Variants in BTBD9 observed in about 807,000 individuals in gnomAD.
The protein encoded by BTBD9 is BTB domain containing 9.
Under a neutral mutation model 64.3 loss-of-function variants are expected in BTBD9, and 49 were observed. That is an observed-to-expected ratio of 0.76 (90% CI 0.61 to 0.97). The LOEUF (loss-of-function observed/expected upper bound fraction) is 0.97, where lower values mean the gene tolerates loss of function less well. Among genes scored for constraint, BTBD9 ranks in the 50% least tolerant of loss-of-function variants. BTBD9 has a pLI of 0.00. For missense variants in BTBD9, 598 were observed against 762.1 expected, an observed-to-expected ratio of 0.78 and a Z score of 2.53; for synonymous variants, 260 against 274.7, an observed-to-expected ratio of 0.95 and a Z score of 0.53.
chr6:38,585,938 C>CCACACACACACACA (rs10660204), intron 4 of BTBD9, among the ~76,000 whole-genome samples: 139 of 140,862 alleles, frequency 9.9e-4, no homozygotes, highest in African/African-American at 2.4e-3. Context: ...ACAGGACAGA[C>CCACACACACACACA]CACACACACA....
At chr6:38,222,253 AGTT>A (rs1227232795) in intron 9 of BTBD9, among the ~76,000 whole-genome samples, 1 of 55,930 alleles carries the variant, frequency 1.8e-5, no homozygotes, top group African/African-American at 6.8e-5. Context: ...TAATTCATTC[AGTT>A]GTTTTTTTTT....
At chr6:38,459,175 C>T (rs761659782) in intron 6 of BTBD9, among the ~76,000 whole-genome samples, 1 of 151,988 alleles carries the variant, frequency 6.6e-6, no homozygotes, top group Non-Finnish European at 1.5e-5. Context: ...CGCACCACCA[C>T]GCCTGGCTAA....
intron 6 of BTBD9, among the ~76,000 whole-genome samples, chr6:38,427,481 A>T (rs1768224370): frequency 6.6e-6 from 1 of 151,976 alleles, no homozygotes; most frequent in Non-Finnish European, 1.5e-5. Context: ...CGCACCAGGG[A>T]GCTGGAGCAA....
intron 6 of BTBD9, among the ~76,000 whole-genome samples, chr6:38,513,246 G>C (rs1280614582): frequency 1.3e-5 from 2 of 152,094 alleles, no homozygotes; most frequent in Non-Finnish European, 1.5e-5. Context: ...AGGAGTTCCA[G>C]ACCAGCCTGA....
In BTBD9 at chr6:38,532,412, A is replaced by C. The variant is rs148981740; in HGVS notation, c.1154+45188T>G. 5.3e-3 allele frequency among the ~76,000 whole-genome samples: 800 copies of C among 152,316 alleles called. 5 individuals are homozygous for C. Among genetic ancestry groups the C allele is most frequent in the African/African-American group, 0.018 (753 of 41,568 alleles). On this transcript the variant is annotated intron_variant, in intron 6 of 10. Coordinates refer to ENST00000481247, the MANE Select transcript of BTBD9 (RefSeq NM_001099272.2). Reference sequence around the variant, plus strand: ...TGAGTTCTAGTGCTGAACTGGGCTCAGAGCCGAGGGACTGAGGGGACAAGT... The same window carrying C: ...TGAGTTCTAGTGCTGAACTGGGCTCCGAGCCGAGGGACTGAGGGGACAAGT...
At chr6:38,548,956 G>T (rs531645365) in intron 6 of BTBD9, among the ~76,000 whole-genome samples, 1 of 152,280 alleles carries the variant, frequency 6.6e-6, no homozygotes, top group South Asian at 2.1e-4. Flanking sequence ...CATGGGTAAA[G>T]GTGACTTGTA....
At chr6:38,334,634 A>C (rs1562039964) in intron 7 of BTBD9, among the ~76,000 whole-genome samples, 5 of 146,032 alleles carry the variant, frequency 3.4e-5, no homozygotes, top group African/African-American at 1.3e-4. Context: ...ACATAAAATA[A>C]ATAAAATAAT....
intron 9 of BTBD9, among the ~76,000 whole-genome samples, chr6:38,234,879 A>G (rs939634788): frequency 2.0e-5 from 3 of 152,272 alleles, no homozygotes; most frequent in Admixed American, 2.0e-4. Context: ...AAATACTAGT[A>G]AAGAGTCTAA....
At chr6:38,364,250 C>A (rs182012284) in intron 6 of BTBD9, among the ~76,000 whole-genome samples, 3 of 152,148 alleles carry the variant, frequency 2.0e-5, no homozygotes, top group Non-Finnish European at 4.4e-5. Flanking sequence ...GCTGACTCTA[C>A]ACACAGGAAC....
At chr6:38,458,013 C>G (rs536637868) in intron 6 of BTBD9, among the ~76,000 whole-genome samples, 7 of 152,264 alleles carry the variant, frequency 4.6e-5, no homozygotes, top group African/African-American at 1.7e-4. Context: ...TGAAGACAAA[C>G]AACCCTAAGG....
chr6:38,509,101 T>G (rs2127408652), intron 6 of BTBD9, among the ~76,000 whole-genome samples: 1 of 152,328 alleles, frequency 6.6e-6, no homozygotes, highest in East Asian at 1.9e-4. Context: ...ACTGTTTTAC[T>G]TCCCTGAAGA....
chr6:38,251,186 G>A (rs1401393755), intron 9 of BTBD9, among the ~76,000 whole-genome samples: 1 of 151,264 alleles, frequency 6.6e-6, no homozygotes, highest in East Asian at 1.9e-4. Flanking sequence ...AAAATGAGGA[G>A]TGGTTAAATG....
chr6:38,338,113 A>G (rs1156508936), intron 7 of BTBD9, among the ~76,000 whole-genome samples: 1 of 152,122 alleles, frequency 6.6e-6, no homozygotes, highest in African/African-American at 2.4e-5. Flanking sequence ...GTCCCCCCTT[A>G]TCTGCAGGGG....
intron 6 of BTBD9, among the ~76,000 whole-genome samples, chr6:38,374,285 ATATATATATATGTATATATATG>A (rs1192490545): frequency 6.1e-5 from 4 of 65,882 alleles, no homozygotes; most frequent in East Asian, 7.7e-4. Flanking sequence ...AAAAAAAAGT[ATATATATATATGTATATATATG>A]TATATATATA....
intron 8 of BTBD9, among the ~76,000 whole-genome samples, chr6:38,266,945 TC>T (rs1765032049): frequency 1.3e-5 from 2 of 152,180 alleles, no homozygotes; most frequent in African/African-American, 2.4e-5. Flanking sequence ...TTACGGATCT[TC>T]CCCCGTGTTT....
intron 6 of BTBD9, among the ~76,000 whole-genome samples, chr6:38,346,731 A>C (rs754544391): frequency 6.6e-6 from 1 of 152,130 alleles, no homozygotes; most frequent in Non-Finnish European, 1.5e-5. Flanking sequence ...CTGGAAGGGA[A>C]GGGGTGTATT....
At chr6:38,559,731 T>A (rs558950474) in intron 6 of BTBD9, among the ~76,000 whole-genome samples, 1 of 152,060 alleles carries the variant, frequency 6.6e-6, no homozygotes, top group East Asian at 1.9e-4. Flanking sequence ...AAAACAGACA[T>A]GTAGCTCAAT....
At chr6:38,254,927 T>G (rs13437376) in intron 9 of BTBD9, among the ~76,000 whole-genome samples, 1 of 152,150 alleles carries the variant, frequency 6.6e-6, no homozygotes, top group African/African-American at 2.4e-5. Context: ...CCCAAAGGAA[T>G]TGAAAATATA....
intron 6 of BTBD9, among the ~76,000 whole-genome samples, chr6:38,538,897 C>G (rs955664398): frequency 2.0e-5 from 3 of 152,034 alleles, no homozygotes; most frequent in African/African-American, 7.2e-5. Context: ...GATCCCTACA[C>G]CTCAGCCTCT....
Sources: gnomAD v4.1 joint callset for allele counts (sites outside exome capture counted in the v4.1 genomes callset) on GRCh38, gnomAD v4.1.1 for gene constraint, MANE v1.5 for transcripts, NCBI Gene and HGNC (gene_info 2026-07-23, HGNC 2026-07-21) for gene names.